Variants in EVC2 observed in about 807,000 individuals in gnomAD.
EVC2 encodes EvC ciliary complex subunit 2, also known as limbin.
A neutral mutation model predicts 149.3 loss-of-function variants in EVC2; 148 were observed. The ratio of observed to expected loss-of-function variants is 0.99; its 90% CI spans 0.87 to 1.14. EVC2 has a LOEUF of 1.14. EVC2 is among the 50% of genes most tolerant of loss of function. The probability of loss-of-function intolerance (pLI) is 0.00; values close to 1 mark genes in which losing one functional copy is unlikely to be tolerated. For missense variants in EVC2, 1,854 were observed against 1,627.3 expected (o/e 1.14, Z -2.40); for synonymous variants, 776 against 649.9 (o/e 1.19, Z -2.95).
At chr4:5,578,439 T>C (rs959801666) in intron 17 of EVC2, among the ~76,000 whole-genome samples, 4 of 152,186 alleles carry the variant, frequency 2.6e-5, no homozygotes, top group African/African-American at 9.6e-5. Context: ...TTTTTCATCA[T>C]CTAATTTTAT....
chr4:5,697,565 G>C (rs2151739487), intron 2 of EVC2, 28 bp downstream of exon 2: 1 of 1,613,012 alleles, frequency 6.2e-7, no homozygotes. Flanking sequence ...CTCAAAACAG[G>C]GGAACATCAA....
rs546037709 is a variant in EVC2, at chr4:5,580,998, G to A, written c.3057+3625C>T. Among the ~76,000 whole-genome samples, 4 of 152,262 alleles carry A rather than the reference G, an allele frequency of 2.6e-5. No homozygotes were observed. The South Asian group carries it at 6.2e-4, about 24-fold the overall frequency. On this transcript the variant is annotated intron_variant, in intron 17 of 21. Coordinates refer to ENST00000344408, the MANE Select transcript of EVC2 (RefSeq NM_147127.5). ...TCCATTCTCTCTTCCTTTTGCTCCA[G>A]CCAAGTAAGATGTGCCTCTTTTCCC... is the stretch of plus-strand genomic sequence containing the variant.
rs1451776773 is a variant in EVC2 at position 5,574,697 on chromosome 4, G to A, written c.3348C>T (p.Thr1116=). 6.2e-7 allele frequency: 1 copy of A among 1,613,994 alleles called. No individual in the cohort carries two copies. Among genetic ancestry groups the A allele is most frequent in the Non-Finnish European group, 8.5e-7 (1 of 1,180,012 alleles). The part of the protein sequence containing the change: ...LENMEADTFA[T]LCSQELRLAS... ...AGTACCTTCTCACCTGGCTGCACAG[G>A]GTTGCAAAGGTGTCTGCCTCCATGT... is the stretch of plus-strand genomic sequence containing the variant. Residue 1116 remains threonine, a synonymous_variant, in exon 19 of 22, where the codon ACC becomes ACT. Coordinates refer to ENST00000344408, the MANE Select transcript of EVC2 (RefSeq NM_147127.5).
In EVC2 at chr4:5,657,498, G is replaced by A. The variant is rs186277575; in HGVS notation, c.1145+5609C>T. On this transcript the variant is annotated intron_variant, in intron 9 of 21. Transcript: ENST00000344408. This position sits in a 1 kb window ranked among gnomAD's most constrained non-coding sequence, Gnocchi z 4.7. ...GCCACATCACATCTGGAAACATGTT[G>A]TGTTGTCTTCTGGTTTGAGTAATGC... 6.6e-6 allele frequency among the ~76,000 whole-genome samples: 1 copy of A among 152,200 alleles called. No homozygotes were observed. The highest frequency in any genetic ancestry group is 1.9e-4 in the East Asian group (1 of 5,140).
chr4:5,695,688 T>C (rs1287834445), intron 2 of EVC2, among the ~76,000 whole-genome samples: 2 of 152,230 alleles, frequency 1.3e-5, no homozygotes, highest in Admixed American at 1.3e-4. Flanking sequence ...AAGTCAGCAA[T>C]TTTAGTTTTG....
chr4:5,574,473 CAT>C (rs1722801817), intron 19 of EVC2, among the ~76,000 whole-genome samples: 1 of 152,228 alleles, frequency 6.6e-6, no homozygotes, highest in Admixed American at 6.5e-5. Flanking sequence ...GACTGGGGCA[CAT>C]GTGATTATGG....
chr4:5,594,932 C>A (rs531565025), intron 16 of EVC2, among the ~76,000 whole-genome samples: 21 of 152,166 alleles, frequency 1.4e-4, no homozygotes, highest in South Asian at 4.2e-4. Context: ...CAGAAGCCTC[C>A]GGAGCCGATG....
rs1426330691 is a variant in EVC2 at position 5,670,695 on chromosome 4, T to C, written c.871-5046A>G. Among the ~76,000 whole-genome samples, 1 of 149,622 alleles carries C rather than the reference T, an allele frequency of 6.7e-6. No homozygotes were observed. Among genetic ancestry groups the C allele is most frequent in the African/African-American group, 2.5e-5 (1 of 40,400 alleles). On this transcript the variant is annotated intron_variant, in intron 7 of 21. Coordinates refer to ENST00000344408, the MANE Select transcript of EVC2 (RefSeq NM_147127.5). This position sits in a 1 kb window ranked among gnomAD's most constrained non-coding sequence, Gnocchi z 5.2. ...TCACCATGGCCATCACCACCATCAT[T>C]ATCAACATCATCAATATCTCCATCA...
Position 5,657,892 on chromosome 4 carries a change from C to T in EVC2, c.1145+5215G>A, listed in dbSNP as rs779394617. 9.2e-5 allele frequency among the ~76,000 whole-genome samples: 14 copies of T among 152,130 alleles called. No individual in the cohort carries two copies. Among genetic ancestry groups the T allele is most frequent in the Non-Finnish European group, 1.6e-4 (11 of 68,024 alleles). On this transcript the variant is annotated intron_variant, in intron 9 of 21. Coordinates refer to ENST00000344408, the MANE Select transcript of EVC2 (RefSeq NM_147127.5). The surrounding 1 kb of genome is among the most constrained non-coding windows in gnomAD (Gnocchi z 4.7). ...ATCTCTGTGCCCTCTACACCTCCCA[C>T]CCTGGCCTGGTCCTCTTTTGGGTCC...
In EVC2 at chr4:5,663,144, A is replaced by G; in HGVS notation, c.1108T>C (p.Ser370Pro). The change falls in exon 9 of 22, where the codon TCC becomes CCC. Residue 370 changes from serine (S) to proline (P), a missense_variant. By Grantham distance (74) the Ser-to-Pro change is moderately conservative. Coordinates refer to ENST00000344408, the MANE Select transcript of EVC2 (RefSeq NM_147127.5). Reference sequence around the variant, plus strand: ...TGAAGCATGCTCCCAGGGTCCTCGGAAGACAGAATGTCTATCATTTGGTCG... The same window carrying G: ...TGAAGCATGCTCCCAGGGTCCTCGGGAGACAGAATGTCTATCATTTGGTCG... ...LNDQMIDILS[S>P]EDPGSMLQAL... The G allele has an allele frequency of 1.2e-6, 2 of 1,614,176 alleles. No individual in the cohort carries two copies. The highest frequency in any genetic ancestry group is 1.7e-6 in the Non-Finnish European group (2 of 1,180,024).
chr4:5,534,773 C>A, the EVC2 span, among the ~76,000 whole-genome samples: 1 of 147,334 alleles, frequency 6.8e-6, no homozygotes, highest in East Asian at 2.0e-4. Flanking sequence ...CTGGTTTTTC[C>A]TCTGCAGTTC....
At chr4:5,698,857 G>C (rs549294434) in intron 1 of EVC2, among the ~76,000 whole-genome samples, 1 of 152,248 alleles carries the variant, frequency 6.6e-6, no homozygotes, top group South Asian at 2.1e-4. Flanking sequence ...AGTTGAGCGG[G>C]ATGCTCAGGC....
chr4:5,679,047 A>G lies in EVC2; in HGVS notation c.870+2213T>C, dbSNP rs995297496. On this transcript the variant is annotated intron_variant, in intron 7 of 21. Coordinates refer to ENST00000344408, the MANE Select transcript of EVC2 (RefSeq NM_147127.5). This position sits in a 1 kb window ranked among gnomAD's most constrained non-coding sequence, Gnocchi z 5.1. The stretch of plus-strand genomic sequence containing the variant: ...CTCTAAGAAAAAAAAGAAAGAAAGA[A>G]AAGAAAAATATGTACAAAAGACAAA... Among the ~76,000 whole-genome samples the G allele has an allele frequency of 2.0e-5, 3 of 149,990 alleles. No individual in the cohort carries two copies. Among genetic ancestry groups the G allele is most frequent in the African/African-American group, 7.4e-5 (3 of 40,650 alleles).
chr4:5,675,514 T>A (rs953939450), intron 7 of EVC2, among the ~76,000 whole-genome samples: 1 of 152,358 alleles, frequency 6.6e-6, no homozygotes, highest in East Asian at 1.9e-4. Flanking sequence ...TGTAGCTTTG[T>A]AATATTTTTA....
At chr4:5,647,251 T>A (rs1392062015) in intron 9 of EVC2, among the ~76,000 whole-genome samples, 1 of 152,174 alleles carries the variant, frequency 6.6e-6, no homozygotes, top group Non-Finnish European at 1.5e-5. Flanking sequence ...ACGTGTGCCC[T>A]GTAAGAGTCC....
chr4:5,690,841 T>C (rs1473068794), intron 4 of EVC2, among the ~76,000 whole-genome samples: 2 of 152,186 alleles, frequency 1.3e-5, no homozygotes, highest in Admixed American at 6.5e-5. Flanking sequence ...TAAGTACTTC[T>C]AGCAAATCAC....
chr4:5,559,556 A>G (rs1286112800), downstream of EVC2, among the ~76,000 whole-genome samples: 2 of 152,192 alleles, frequency 1.3e-5, no homozygotes, highest in Non-Finnish European at 2.9e-5. This position sits in a 1 kb window ranked among gnomAD's most constrained non-coding sequence, Gnocchi z 5.0. Flanking sequence ...AATCTTTTCT[A>G]GTGCTCATCT....
intron 16 of EVC2, among the ~76,000 whole-genome samples, chr4:5,596,316 GAAGTAAAGCT>G (rs2108803847): frequency 6.6e-6 from 1 of 152,236 alleles, no homozygotes; most frequent in South Asian, 2.1e-4. Flanking sequence ...CACATAGTTG[GAAGTAAAGCT>G]CTCCTCAGCA....
chr4:5,598,477 C>T (rs560834749), intron 16 of EVC2, among the ~76,000 whole-genome samples: 1 of 152,212 alleles, frequency 6.6e-6, no homozygotes, highest in East Asian at 1.9e-4. Flanking sequence ...GAAAGGATTC[C>T]CTATTTAATA....
Sources: allele counts gnomAD v4.1 joint callset (sites outside exome capture counted in the v4.1 genomes callset), GRCh38; gene constraint gnomAD v4.1.1; non-coding constraint Gnocchi (gnomAD v3.1); transcripts MANE v1.5; gene names NCBI Gene and HGNC (gene_info 2026-07-23, HGNC 2026-07-21).